CCDC61: variants seen among roughly 807,000 people sequenced by gnomAD.
CCDC61 encodes the protein centrosomal protein CCDC61.
In CCDC61, 55 loss-of-function variants were observed where a neutral mutation model predicts 63.0. The ratio of observed to expected loss-of-function variants is 0.87; its 90% confidence interval spans 0.70 to 1.09. The LOEUF (loss-of-function observed/expected upper bound fraction) is 1.09, where lower values mean the gene tolerates loss of function less well. CCDC61 is among the 50% of genes least tolerant of loss of function. The probability of loss-of-function intolerance (pLI) is 0.00; values close to 1 mark genes in which losing one functional copy is unlikely to be tolerated. For missense variants in CCDC61, 651 were observed against 731.4 expected, an observed-to-expected ratio of 0.89 and a Z score of 1.27; for synonymous variants, 270 against 317.0, an observed-to-expected ratio of 0.85 and a Z score of 1.58.
intron 11 of CCDC61, 65 bp from the exon 12 acceptor site, chr19:46,017,182 G>A (rs1968960694): frequency 6.5e-7 from 1 of 1,541,422 alleles, no homozygotes; most frequent in African/African-American, 1.4e-5. Context: ...AAACCACAAA[G>A]GTCGGGGAGG....
Position 46,016,183 on chromosome 19 carries a change from G to A in CCDC61, c.975G>A (p.Arg325=). The part of the protein sequence containing the change: ...SSSRESGRGS[R]GRGRPARPSP... ...CCCGGGAGAGCGGCCGCGGGAGCCG[G>A]GGTCGGGGCCGCCCTGCGCGCCCCT... The change falls in exon 8 of 14, where the codon CGG becomes CGA. Residue 325 remains arginine, a synonymous_variant. Transcript: ENST00000595358. This position sits in a 1 kb window ranked among gnomAD's most constrained non-coding sequence, Gnocchi z 7.2. The A allele has an allele frequency of 2.3e-6, 3 of 1,314,950 alleles. No homozygotes were observed. The highest frequency in any genetic ancestry group is 2.9e-6 in the Non-Finnish European group (3 of 1,033,786). The allele number at this position is 1,314,950 out of a possible 1,614,324, so 81.5% of individuals were successfully genotyped here.
Position 46,016,451 on chromosome 19 carries a change from C to G in CCDC61, c.1091+58C>G. The G allele has an allele frequency of 6.3e-7, 1 of 1,577,046 alleles. No individual in the cohort carries two copies. Among genetic ancestry groups the G allele is most frequent in the South Asian group, 1.1e-5 (1 of 89,910 alleles). ...TCCCTGGCCCGTGCCCGCTCCCGGGCTCTCATCTCTCCACGCCACCATCAG... is the reference window on the plus strand; with the variant it reads ...TCCCTGGCCCGTGCCCGCTCCCGGGGTCTCATCTCTCCACGCCACCATCAG... On this transcript the variant is annotated intron_variant, in intron 9 of 13. Transcript: ENST00000595358. The surrounding 1 kb of genome is among the most constrained non-coding windows in gnomAD (Gnocchi z 7.2).
rs189121953 is a variant in CCDC61, at chr19:46,017,174, A to T, written c.1311-73A>T. The T allele has an allele frequency of 7.9e-5, 121 of 1,541,304 alleles. No individual in the cohort carries two copies. In the African/African-American group the frequency reaches 1.5e-3, roughly 19 times the overall value. ...GGTGATGGAGCCTGGGGGCCTTGAA[A>T]CCACAAAGGTCGGGGAGGTGGGAAG... On this transcript the variant is annotated intron_variant, in intron 11 of 13. Coordinates refer to ENST00000595358, the MANE Select transcript of CCDC61 (RefSeq NM_001267723.2).
At position 46,015,340 on chromosome 19, in the gene CCDC61, G is replaced by A. The variant is rs762284705; in HGVS notation, c.763-5G>A. 6.3e-7 allele frequency: 1 copy of A among 1,599,242 alleles called. No individual in the cohort carries two copies. On this transcript the variant is annotated splice_polypyrimidine_tract_variant and splice_region_variant and intron_variant, in intron 6 of 13. Transcript: ENST00000595358. The surrounding 1 kb of genome is among the most constrained non-coding windows in gnomAD (Gnocchi z 5.3). ...GACCTCCGCGCCCCTCTCCCCTCCC[G>A]GCAGCTCGAGGAGGCGAAGGCATCG... is the stretch of plus-strand genomic sequence containing the variant.
In CCDC61 at chr19:46,011,796, A is replaced by G. The variant is rs1464156196; in HGVS notation, c.552-3253A>G. 2.6e-5 allele frequency among the ~76,000 whole-genome samples: 4 copies of G among 152,116 alleles called. No individual in the cohort carries two copies. The South Asian group carries it at 6.2e-4, about 24-fold the overall frequency. ...TCTCAGTGCCCTGGCTGCCCTGTAC[A>G]TTCACCATTTCTTTTTCTTTTTTTG... On this transcript the variant is annotated intron_variant, in intron 5 of 13. Coordinates refer to ENST00000595358, the MANE Select transcript of CCDC61 (RefSeq NM_001267723.2).
chr19:45,999,905 G>A, intron 1 of CCDC61: 1 of 432,288 alleles, frequency 2.3e-6, no homozygotes, highest in Non-Finnish European at 3.1e-6. Flanking sequence ...TCATGGGTTG[G>A]TGAGGGCGGG....
intron 1 of CCDC61, among the ~76,000 whole-genome samples, chr19:46,000,967 C>T (rs916457724): frequency 2.6e-5 from 4 of 151,918 alleles, no homozygotes; most frequent in Admixed American, 2.6e-4. Flanking sequence ...GCGGTCTCCT[C>T]CCGGGAGTTG....
intron 12 of CCDC61, among the ~76,000 whole-genome samples, chr19:46,017,580 G>A (rs1298347393): frequency 6.7e-6 from 1 of 149,124 alleles, no homozygotes. Flanking sequence ...GACAGGATAA[G>A]GGGGTGGTAT....
At chr19:46,000,932 G>A (rs148971247) in intron 1 of CCDC61, among the ~76,000 whole-genome samples, 2,011 of 151,856 alleles carry the variant, frequency 0.013, 44 homozygotes, top group African/African-American at 0.047. Flanking sequence ...GCGGGGATGC[G>A]GTGTGGCGGG....
At chr19:46,003,875 A>G (rs963607326) in intron 3 of CCDC61, among the ~76,000 whole-genome samples, 14 of 151,252 alleles carry the variant, frequency 9.3e-5, no homozygotes, top group African/African-American at 3.4e-4. Context: ...GCATTTGCAG[A>G]TCTGTAATTA....
chr19:45,996,823 C>T (rs11878454), intron 1 of CCDC61, among the ~76,000 whole-genome samples: 71,017 of 152,094 alleles, frequency 0.47, 16,890 homozygotes, highest in Non-Finnish European at 0.49. Context: ...TTTGCTACCA[C>T]TCTGGCCTCA....
chr19:46,000,704 G>A (rs117685325), intron 1 of CCDC61, among the ~76,000 whole-genome samples: 443 of 152,168 alleles, frequency 2.9e-3, no homozygotes, highest in Non-Finnish European at 4.7e-3. Context: ...ATGCCTAGAG[G>A]AGGGGAAGGG....
rs1000675954 is a variant in CCDC61 at position 46,018,004 on chromosome 19, T to C, written c.1369-74T>C. On this transcript the variant is annotated intron_variant, in intron 12 of 13. Transcript: ENST00000595358. The surrounding 1 kb of genome is among the most constrained non-coding windows in gnomAD (Gnocchi z 4.2). ...TTCCCCAAGGTCCTTAGGCTCAGGA[T>C]TTCCAGTGGGATTTAGGGGGACAGA... 7.4e-7 allele frequency: 1 copy of C among 1,351,560 alleles called. No individual in the cohort carries two copies. The highest frequency in any genetic ancestry group is 1.5e-5 in the African/African-American group (1 of 67,924). 83.7% of individuals were successfully genotyped at this position (1,351,560 alleles called of 1,614,324 possible).
chr19:46,008,206 C>T lies in CCDC61; in HGVS notation c.456C>T (p.Ile152=). The stretch of plus-strand genomic sequence containing the variant: ...ACCCCGTGGTTCTGCAGGGCATCAT[C>T]CGGTCACTGAAGGAGGAACTGGGCC... The part of the protein sequence containing the change: ...KPDPVVLQGI[I]RSLKEELGRL... Residue 152 remains isoleucine (I), a synonymous_variant, in exon 5 of 14, where the codon ATC becomes ATT. Transcript: ENST00000595358. 6.2e-7 allele frequency: 1 copy of T among 1,613,034 alleles called. No homozygotes were observed. Among genetic ancestry groups the T allele is most frequent in the Non-Finnish European group, 8.5e-7 (1 of 1,179,556 alleles).
rs1366861890 is a variant in CCDC61 at position 46,015,300 on chromosome 19, C to T, written c.762+41C>T. The T allele has an allele frequency of 6.4e-7, 1 of 1,570,048 alleles. No homozygotes were observed. The highest frequency in any genetic ancestry group is 8.6e-7 in the Non-Finnish European group (1 of 1,166,684). On this transcript the variant is annotated intron_variant, in intron 6 of 13. Coordinates refer to ENST00000595358, the MANE Select transcript of CCDC61 (RefSeq NM_001267723.2). This position sits in a 1 kb window ranked among gnomAD's most constrained non-coding sequence, Gnocchi z 5.3. ...CCGGGGCGGCCAGCGAGGCGCGGAC[C>T]TCGGCCTCAGCCTGGACCTCCGCGC...
chr19:46,002,219 C>T (rs1968603721), intron 1 of CCDC61, among the ~76,000 whole-genome samples: 1 of 152,132 alleles, frequency 6.6e-6, no homozygotes, highest in Non-Finnish European at 1.5e-5. Flanking sequence ...GCTGGGATTA[C>T]AGGCATGAGC....
rs1273284920 is a variant in CCDC61, at chr19:46,017,159, C to A, written c.1311-88C>A. The A allele has an allele frequency of 2.0e-6, 3 of 1,533,596 alleles. No individual in the cohort carries two copies. In the East Asian group the frequency reaches 7.2e-5, roughly 37 times the overall value. The allele number at this position is 1,533,596 out of a possible 1,614,324, so 95.0% of individuals were successfully genotyped here. The stretch of plus-strand genomic sequence containing the variant: ...TTTGCAGGGAAATTGGGTGATGGAG[C>A]CTGGGGGCCTTGAAACCACAAAGGT... On this transcript the variant is annotated intron_variant, in intron 11 of 13. Transcript: ENST00000595358.
At chr19:46,009,835 T>C (rs566198667) in intron 5 of CCDC61, among the ~76,000 whole-genome samples, 41,052 of 151,674 alleles carry the variant, frequency 0.27, 5,795 homozygotes, top group African/African-American at 0.33. Flanking sequence ...TGTGTGTGTG[T>C]GTGCGCGCGC....
At chr19:46,012,767 C>T (rs1968852684) in intron 5 of CCDC61, among the ~76,000 whole-genome samples, 1 of 152,170 alleles carries the variant, frequency 6.6e-6, no homozygotes, top group Non-Finnish European at 1.5e-5. Flanking sequence ...ATCTCACTCA[C>T]TTGATTTGCT....
Sources: allele counts gnomAD v4.1 joint callset (sites outside exome capture counted in the v4.1 genomes callset), GRCh38; gene constraint gnomAD v4.1.1; non-coding constraint Gnocchi (gnomAD v3.1); transcripts MANE v1.5; gene names NCBI Gene and HGNC (gene_info 2026-07-23, HGNC 2026-07-21).